The following C1orf21 variants were observed in gnomAD, a reference collection of about 807,000 sequenced individuals.
The protein encoded by C1orf21 is chromosome 1 open reading frame 21.
Under a neutral mutation model 18.7 loss-of-function variants are expected in C1orf21, and 3 were observed. That is an observed-to-expected ratio of 0.16 (90% CI 0.07 to 0.42). The LOEUF is 0.42. Among genes scored for constraint, C1orf21 ranks in the 10% least tolerant of loss-of-function variants. C1orf21 has a pLI of 0.99. For synonymous variants in C1orf21, 41 were observed against 46.4 expected, an observed-to-expected ratio of 0.88 and a Z score of 0.47; for missense variants, 104 against 143.6, an observed-to-expected ratio of 0.72 and a Z score of 1.41.
At chr1:184,475,420 A>G (rs1657554889) in intron 1 of C1orf21, among the ~76,000 whole-genome samples, 1 of 152,038 alleles carries the variant, frequency 6.6e-6, no homozygotes, top group South Asian at 2.1e-4. Context: ...GTCTTAGCTC[A>G]GTCTGTTCCT....
In C1orf21 at chr1:184,453,094, C is replaced by T. The variant is rs568003048; in HGVS notation, c.-124-24292C>T. ...CTAGGAAGACCTTCGAGCTGGGAAG[C>T]GCACCATGAAATGCCTCTAAGTGAT... On this transcript the variant is annotated intron_variant, in intron 1 of 5. Transcript: ENST00000235307. Among the ~76,000 whole-genome samples, 99 of 152,232 alleles carry T rather than the reference C, an allele frequency of 6.5e-4. 1 individual carries two copies. Among genetic ancestry groups the T allele is most frequent in the South Asian group, 3.5e-3 (17 of 4,822 alleles).
chr1:184,555,610 C>T (rs1035670360), intron 3 of C1orf21, among the ~76,000 whole-genome samples: 1 of 152,060 alleles, frequency 6.6e-6, no homozygotes, highest in Non-Finnish European at 1.5e-5. Context: ...TACCCAGACC[C>T]TTGGGCCAGA....
At chr1:184,486,079 T>G (rs949213233) in intron 2 of C1orf21, among the ~76,000 whole-genome samples, 1 of 152,184 alleles carries the variant, frequency 6.6e-6, no homozygotes, top group African/African-American at 2.4e-5. Flanking sequence ...GAAGTGCACA[T>G]GGGGCTCATG....
At chr1:184,421,616 G>C (rs951438307) in intron 1 of C1orf21, among the ~76,000 whole-genome samples, 2 of 152,164 alleles carry the variant, frequency 1.3e-5, no homozygotes, top group Non-Finnish European at 2.9e-5. Flanking sequence ...GACAGTTTCT[G>C]ATAAATATGT....
chr1:184,532,248 C>A (rs1013012147), intron 3 of C1orf21, among the ~76,000 whole-genome samples: 2 of 152,046 alleles, frequency 1.3e-5, no homozygotes, highest in African/African-American at 4.8e-5. Context: ...TATTTCTGAC[C>A]CTCAGTTCTT....
rs755627276 is a variant in C1orf21, at chr1:184,590,788, C to T, written c.239C>T (p.Pro80Leu). 4 of 1,613,910 alleles carry T rather than the reference C, an allele frequency of 2.5e-6. No individual in the cohort carries two copies. Among genetic ancestry groups the T allele is most frequent in the African/African-American group, 1.3e-5 (1 of 74,910 alleles). The change falls in exon 4 of 6, where the codon CCG becomes CTG. Residue 80 changes from proline (P) to leucine (L), a missense_variant. Physicochemically the swap from Pro to Leu is moderately conservative, Grantham distance 98. Transcript: ENST00000235307. ...NVRLKTNKEV[P>L]GLVHQPRANM... Reference sequence around the variant, plus strand: ...AGACTTAAAACTAATAAAGAGGTTCCGGGATTAGTTCATCAACCCAGAGCA... The same window carrying T: ...AGACTTAAAACTAATAAAGAGGTTCTGGGATTAGTTCATCAACCCAGAGCA...
At chr1:184,448,379 T>C (rs1352585986) in intron 1 of C1orf21, among the ~76,000 whole-genome samples, 4 of 152,188 alleles carry the variant, frequency 2.6e-5, no homozygotes, top group African/African-American at 9.6e-5. Flanking sequence ...CCACCGCATC[T>C]GGCTTATCTT....
chr1:184,504,205 G>A (rs946461473), intron 2 of C1orf21, among the ~76,000 whole-genome samples: 3 of 152,106 alleles, frequency 2.0e-5, no homozygotes, highest in East Asian at 1.9e-4. Context: ...TACTGTTCCC[G>A]ACGTGCATTT....
At chr1:184,414,962 G>C (rs1410195079) in intron 1 of C1orf21, among the ~76,000 whole-genome samples, 4 of 152,164 alleles carry the variant, frequency 2.6e-5, no homozygotes, top group Admixed American at 6.5e-5. Flanking sequence ...ATTGTTAGAG[G>C]TACGTGTGAT....
intron 3 of C1orf21, among the ~76,000 whole-genome samples, chr1:184,589,994 G>T (rs531033566): frequency 6.6e-6 from 1 of 152,258 alleles, no homozygotes; most frequent in South Asian, 2.1e-4. Context: ...GTTCAGAGTG[G>T]TCTTTCCTTT....
chr1:184,543,243 T>C (rs547222842), intron 3 of C1orf21, among the ~76,000 whole-genome samples: 15 of 152,134 alleles, frequency 9.9e-5, no homozygotes, highest in Non-Finnish European at 2.2e-4. Flanking sequence ...CCACCTACTC[T>C]GGAGGCTGAG....
At chr1:184,400,538 C>T (rs183269183) in intron 1 of C1orf21, among the ~76,000 whole-genome samples, 135 of 152,208 alleles carry the variant, frequency 8.9e-4, no homozygotes, top group Middle Eastern at 3.4e-3. Flanking sequence ...AGTATATTTC[C>T]GAGATCACTC....
At chr1:184,567,006 A>G in intron 3 of C1orf21, 1 of 523,736 alleles carries the variant, frequency 1.9e-6, no homozygotes, top group Non-Finnish European at 3.9e-6. Context: ...ACTGTGGAAT[A>G]TAACCTGGGA....
chr1:184,457,602 G>T (rs1657240527), intron 1 of C1orf21, among the ~76,000 whole-genome samples: 1 of 152,158 alleles, frequency 6.6e-6, no homozygotes, highest in Non-Finnish European at 1.5e-5. Context: ...TGCTGTCTCT[G>T]TACTGCATTT....
rs1557965090 is a variant in C1orf21, at chr1:184,410,650, T to TATA, written c.-125+23283_-125+23285dup. Among the ~76,000 whole-genome samples, 18 of 6,666 alleles carry TATA rather than the reference T, an allele frequency of 2.7e-3. 1 individual carries two copies. In the East Asian group the frequency reaches 0.045, roughly 17 times the overall value. 4.4% of individuals were successfully genotyped at this position (6,666 alleles called of 152,430 possible). ...ATATATATATATATATATATATATA[T>TATA]ATATATATATATATTTTTTTTTTTT... On this transcript the variant is annotated intron_variant, in intron 1 of 5. Transcript: ENST00000235307.
At chr1:184,581,156 G>A (rs1659269389) in intron 3 of C1orf21, among the ~76,000 whole-genome samples, 1 of 152,154 alleles carries the variant, frequency 6.6e-6, no homozygotes, top group African/African-American at 2.4e-5. Flanking sequence ...GCTGGGCGAG[G>A]TGGCTCACGC....
chr1:184,566,727 C>T (rs1464079750), intron 3 of C1orf21: 2 of 387,590 alleles, frequency 5.2e-6, no homozygotes, highest in Admixed American at 3.1e-5. Context: ...ACCAAGCCAT[C>T]TGGGACTACC....
At chr1:184,549,934 G>A (rs1658789312) in intron 3 of C1orf21, among the ~76,000 whole-genome samples, 1 of 152,124 alleles carries the variant, frequency 6.6e-6, no homozygotes, top group Non-Finnish European at 1.5e-5. Context: ...CAACTTTACA[G>A]TGGTGTGGAA....
intron 1 of C1orf21, among the ~76,000 whole-genome samples, chr1:184,400,419 G>T (rs2207523): frequency 0.3 from 45,058 of 151,862 alleles, 10,295 homozygotes; most frequent in African/African-American, 0.65. Context: ...TGTATGTGTA[G>T]GTATGATATA....
Sources: gnomAD v4.1 joint callset for allele counts (sites outside exome capture counted in the v4.1 genomes callset) on GRCh38, gnomAD v4.1.1 for gene constraint, MANE v1.5 for transcripts, NCBI Gene and HGNC (gene_info 2026-07-23, HGNC 2026-07-21) for gene names.